The following NDC1 variants were observed in gnomAD, a reference collection of about 807,000 sequenced individuals.
NDC1 encodes NDC1 transmembrane nucleoporin, also known as nucleoporin NDC1.
In NDC1, 24 loss-of-function variants were observed where a neutral mutation model predicts 89.8. The observed-to-expected ratio is 0.27, with a 90% CI of 0.19 to 0.38. NDC1 has a LOEUF of 0.38. Ranked by LOEUF, NDC1 falls within the 10% of genes least tolerant of loss-of-function variation. The probability of loss-of-function intolerance (pLI) is 1.00; values close to 1 mark genes in which losing one functional copy is unlikely to be tolerated. For missense variants in NDC1, 728 were observed against 797.6 expected (o/e 0.91, Z 1.05); for synonymous variants, 296 against 284.8 (o/e 1.04, Z -0.39).
chr1:53,831,876 CA>C (rs1291751609), intron 3 of NDC1, among the ~76,000 whole-genome samples: 1 of 151,034 alleles, frequency 6.6e-6, no homozygotes, highest in Non-Finnish European at 1.5e-5. Context: ...CAAGGCAAAA[CA>C]TAAGTTTTTT....
chr1:53,804,796 T>G (rs551479501), intron 9 of NDC1, among the ~76,000 whole-genome samples: 40 of 149,982 alleles, frequency 2.7e-4, no homozygotes, highest in Non-Finnish European at 5.1e-4. Context: ...TTTTTTTTTC[T>G]TTACTGAAAA....
In NDC1 at chr1:53,769,795, C is replaced by T. The variant is rs1273963798; in HGVS notation, c.1962-1762G>A. 2.0e-5 allele frequency among the ~76,000 whole-genome samples: 3 copies of T among 152,144 alleles called. No homozygotes were observed. In the East Asian group the frequency reaches 5.8e-4, roughly 29 times the overall value. ...AAACCAAGTGGGTGTGAGAATGTTCCCTTTCATGGGGACAAAAACTGTATC... is the reference window on the plus strand; with the variant it reads ...AAACCAAGTGGGTGTGAGAATGTTCTCTTTCATGGGGACAAAAACTGTATC... On this transcript the variant is annotated intron_variant, in intron 17 of 17. Transcript: ENST00000371429.
intron 14 of NDC1, among the ~76,000 whole-genome samples, chr1:53,792,689 G>A (rs1038155240): frequency 4.6e-5 from 7 of 152,162 alleles, no homozygotes; most frequent in South Asian, 4.1e-4. Context: ...CACAACAGTC[G>A]TAGCCAGCAA....
intron 7 of NDC1, among the ~76,000 whole-genome samples, chr1:53,808,904 T>C (rs1648202535): frequency 6.6e-6 from 1 of 152,220 alleles, no homozygotes; most frequent in African/African-American, 2.4e-5. Flanking sequence ...CTAAAACTGA[T>C]ATTAGTGAAT....
At chr1:53,772,022 G>A (rs978367905) in intron 17 of NDC1, among the ~76,000 whole-genome samples, 4 of 151,828 alleles carry the variant, frequency 2.6e-5, no homozygotes, top group African/African-American at 4.8e-5. Flanking sequence ...AAAGGTACTC[G>A]GGTTTTCTGC....
chr1:53,777,044 T>A (rs1557564500), intron 16 of NDC1, among the ~76,000 whole-genome samples: 1 of 151,908 alleles, frequency 6.6e-6, no homozygotes, highest in Non-Finnish European at 1.5e-5. Flanking sequence ...TTTTTTTTTT[T>A]AGAGACAGGG....
At chr1:53,805,164 T>G (rs1648058616) in intron 9 of NDC1, among the ~76,000 whole-genome samples, 1 of 152,196 alleles carries the variant, frequency 6.6e-6, no homozygotes, top group Non-Finnish European at 1.5e-5. Flanking sequence ...CAAAACTGGG[T>G]TCTAACTACT....
chr1:53,781,385 T>C (rs1038313695), intron 16 of NDC1, among the ~76,000 whole-genome samples: 20 of 152,192 alleles, frequency 1.3e-4, no homozygotes, highest in African/African-American at 2.7e-4. Flanking sequence ...GCTGCAAATA[T>C]GTTGGAGAAA....
intron 2 of NDC1, among the ~76,000 whole-genome samples, chr1:53,834,908 G>T (rs1435598915): frequency 1.3e-5 from 2 of 152,090 alleles, no homozygotes; most frequent in African/African-American, 4.8e-5. Context: ...AGGAGCTCAA[G>T]ACCAGCCTGG....
intron 5 of NDC1, among the ~76,000 whole-genome samples, chr1:53,824,093 G>A (rs1006861635): frequency 1.3e-5 from 2 of 151,856 alleles, no homozygotes; most frequent in Non-Finnish European, 2.9e-5. Flanking sequence ...AAGTAGCCAG[G>A]CTTGGTGGTG....
intron 7 of NDC1, among the ~76,000 whole-genome samples, chr1:53,808,011 T>G (rs146681135): frequency 6.6e-6 from 1 of 152,218 alleles, no homozygotes; most frequent in Non-Finnish European, 1.5e-5. Flanking sequence ...GGCTACAGTT[T>G]CCTGTGTTCA....
Position 53,828,330 on chromosome 1 carries a change from T to C in NDC1, c.281-157A>G, listed in dbSNP as rs1294973040. ...TACAGAAAAATTTAAAGTTAAAAAT[T>C]CTAAGTTAAAAAAATTTGAGGAAAG... On this transcript the variant is annotated intron_variant, in intron 3 of 17. Coordinates refer to ENST00000371429, the MANE Select transcript of NDC1 (RefSeq NM_018087.5). Among the ~76,000 whole-genome samples the C allele has an allele frequency of 2.0e-5, 3 of 151,986 alleles. No homozygotes were observed. In the East Asian group the frequency reaches 5.8e-4, roughly 29 times the overall value.
intron 16 of NDC1, among the ~76,000 whole-genome samples, chr1:53,783,506 T>C (rs1220231121): frequency 6.6e-6 from 1 of 152,198 alleles, no homozygotes; most frequent in Non-Finnish European, 1.5e-5. Context: ...CTCGTTCTAC[T>C]CTGCCCCTCG....
Position 53,800,893 on chromosome 1 carries a change from A to T in NDC1, c.1067-45T>A, listed in dbSNP as rs1323618326. The T allele has an allele frequency of 3.3e-6, 5 of 1,517,570 alleles. No homozygotes were observed. The East Asian group carries it at 1.1e-4, about 35-fold the overall frequency. The allele number at this position is 1,517,570 out of a possible 1,614,324, so 94.0% of individuals were successfully genotyped here. On this transcript the variant is annotated intron_variant, in intron 10 of 17. Transcript: ENST00000371429. Reference sequence around the variant, plus strand: ...GCTTTTAAAATGTAAATAATCTTACATTCCCCTCTTGAAGTGGGGGAAAAA... The same window carrying T: ...GCTTTTAAAATGTAAATAATCTTACTTTCCCCTCTTGAAGTGGGGGAAAAA...
chr1:53,810,376 G>A (rs921678211), intron 6 of NDC1, among the ~76,000 whole-genome samples: 5 of 149,486 alleles, frequency 3.3e-5, no homozygotes, highest in African/African-American at 4.9e-5. Flanking sequence ...TTCATGAAGC[G>A]TTCCATAAAA....
intron 13 of NDC1, among the ~76,000 whole-genome samples, chr1:53,794,655 A>C (rs1287179293): frequency 1.3e-5 from 2 of 152,208 alleles, no homozygotes; most frequent in African/African-American, 2.4e-5. Context: ...TGACTGCTTG[A>C]GGCCAAGAGT....
chr1:53,801,103 AAC>A (rs1553148717), intron 10 of NDC1, among the ~76,000 whole-genome samples: 3 of 151,966 alleles, frequency 2.0e-5, no homozygotes, highest in African/African-American at 7.3e-5. Context: ...AAAAAAAAAA[AAC>A]AAAAAACCTC....
At chr1:53,820,726 T>TG (rs1211678482) in intron 5 of NDC1, among the ~76,000 whole-genome samples, 3 of 143,694 alleles carry the variant, frequency 2.1e-5, no homozygotes, top group Non-Finnish European at 4.6e-5. Context: ...TTTTTTTTTT[T>TG]GGAGATAAGA....
In NDC1 at chr1:53,803,940, G is replaced by C; in HGVS notation, c.1054C>G (p.Leu352Val). 2.5e-6 allele frequency: 4 copies of C among 1,613,062 alleles called. No homozygotes were observed. Among genetic ancestry groups the C allele is most frequent in the Non-Finnish European group, 3.4e-6 (4 of 1,179,076 alleles). ...SPSRRQEVFS[L>V]SQPGGHPHNW... ...CTTTTAGCAATACCTGGTTGGCTGA[G>C]GCTGAAAACTTCTTGTCTTCGTGAA... Residue 352 changes from leucine to valine, a missense_variant, in exon 10 of 18, where the codon CTC becomes GTC. Transcript: ENST00000371429.
Sources: allele counts gnomAD v4.1 joint callset (sites outside exome capture counted in the v4.1 genomes callset), GRCh38; gene constraint gnomAD v4.1.1; transcripts MANE v1.5; gene names NCBI Gene and HGNC (gene_info 2026-07-23, HGNC 2026-07-21).